Variants in ZNF678 observed in about 807,000 individuals in gnomAD.
The protein encoded by ZNF678 is zinc finger protein 678.
Under a neutral mutation model 3.0 loss-of-function variants are expected in ZNF678, and 5 were observed. The observed-to-expected ratio is 1.69, with a 90% CI of 0.88 to 3.56. The LOEUF is 3.56. ZNF678 is among the 30% of genes most tolerant of loss of function. The pLI is 0.00. For missense variants in ZNF678, 593 were observed against 605.0 expected (o/e 0.98, Z 0.21); for synonymous variants, 218 against 199.6 (o/e 1.09, Z -0.78).
chr1:227,668,391 T>TA (rs1171791497), intron 5 of ZNF678, among the ~76,000 whole-genome samples: 14 of 152,286 alleles, frequency 9.2e-5, no homozygotes, highest in South Asian at 6.2e-4. Context: ...GTATTGGAGC[T>TA]AAAAAAATCC....
chr1:227,644,250 T>C (rs1658900730), intron 1 of ZNF678, among the ~76,000 whole-genome samples: 2 of 152,216 alleles, frequency 1.3e-5, no homozygotes, highest in African/African-American at 4.8e-5. Context: ...CTGGCAATTA[T>C]GAGACACTTC....
chr1:227,644,919 A>T (rs1658917518), intron 1 of ZNF678, among the ~76,000 whole-genome samples: 1 of 152,190 alleles, frequency 6.6e-6, no homozygotes, highest in Non-Finnish European at 1.5e-5. Flanking sequence ...GAGGGCCCTT[A>T]GATACATTTG....
At chr1:227,585,348 C>T (rs1000581774) in intron 1 of ZNF678, among the ~76,000 whole-genome samples, 3 of 151,778 alleles carry the variant, frequency 2.0e-5, no homozygotes, top group African/African-American at 4.8e-5. Flanking sequence ...AAGTAGGAAA[C>T]GAATTAAAGT....
At chr1:227,583,368 T>C (rs1286074165) in intron 1 of ZNF678, among the ~76,000 whole-genome samples, 1 of 149,592 alleles carries the variant, frequency 6.7e-6, no homozygotes, top group Non-Finnish European at 1.5e-5. Flanking sequence ...TTTTTTTTTT[T>C]TGAGACAGAG....
intron 1 of ZNF678, among the ~76,000 whole-genome samples, chr1:227,573,484 T>G (rs1252729963): frequency 6.6e-6 from 1 of 152,234 alleles, no homozygotes; most frequent in Non-Finnish European, 1.5e-5. Context: ...AAAATATGAA[T>G]TTAAAAAATT....
At chr1:227,666,279 G>T (rs1226367932), downstream of ZNF678, among the ~76,000 whole-genome samples, 1 of 152,120 alleles carries the variant, frequency 6.6e-6, no homozygotes, top group Non-Finnish European at 1.5e-5. Flanking sequence ...AAAAAAGGGA[G>T]CCCAAACAGG....
At chr1:227,677,731 A>G (rs1237946664), downstream of ZNF678, among the ~76,000 whole-genome samples, 1 of 152,214 alleles carries the variant, frequency 6.6e-6, no homozygotes, top group East Asian at 1.9e-4. Context: ...CCTGAACCAA[A>G]TACAGTTTAC....
chr1:227,570,672 GT>G (rs36103120), intron 1 of ZNF678, among the ~76,000 whole-genome samples: 29,382 of 146,062 alleles, frequency 0.2, 2,945 homozygotes, highest in East Asian at 0.26. Flanking sequence ...TGGCTGACTA[GT>G]TTTTTTTTTT....
intron 1 of ZNF678, among the ~76,000 whole-genome samples, chr1:227,566,103 G>A (rs1346751622): frequency 1.3e-5 from 2 of 152,186 alleles, no homozygotes; most frequent in African/African-American, 4.8e-5. Context: ...AGAATTGTCT[G>A]GGAATGGCCC....
At chr1:227,668,214 A>T (rs1659541166) in intron 5 of ZNF678, among the ~76,000 whole-genome samples, 1 of 152,214 alleles carries the variant, frequency 6.6e-6, no homozygotes, top group South Asian at 2.1e-4. Flanking sequence ...AATTGTGAAT[A>T]TATCCATAGG....
chr1:227,655,478 T>A lies in ZNF678; in HGVS notation c.1228T>A (p.Cys410Ser). 1 of 1,612,582 alleles carries A rather than the reference T, an allele frequency of 6.2e-7. No individual in the cohort carries two copies. Among genetic ancestry groups the A allele is most frequent in the Non-Finnish European group, 8.5e-7 (1 of 1,179,310 alleles). The change falls in exon 4 of 4, where the codon TGT (cysteine) becomes AGT (serine). Residue 410 changes from cysteine (C) to serine (S), a missense_variant. Transcript: ENST00000343776. ...TGVKPYKCEE[C>S]GKVFKQCSHL... is the part of the protein sequence containing the mutation. ...AGTGAAACCCTACAAATGTGAAGAA[T>A]GTGGGAAAGTTTTTAAACAGTGCTC...
At chr1:227,570,620 C>T (rs1417989253) in intron 1 of ZNF678, among the ~76,000 whole-genome samples, 52 of 152,064 alleles carry the variant, frequency 3.4e-4, no homozygotes, top group Non-Finnish European at 5.9e-5. Flanking sequence ...TGTCATGAGC[C>T]ACTGTGCCTG....
intron 2 of ZNF678, among the ~76,000 whole-genome samples, chr1:227,648,158 T>C (rs1328189851): frequency 6.6e-6 from 1 of 152,172 alleles, no homozygotes; most frequent in Non-Finnish European, 1.5e-5. Flanking sequence ...ATTTAATATA[T>C]CTACTCCCTA....
At chr1:227,643,735 A>G (rs1247593966) in intron 1 of ZNF678, among the ~76,000 whole-genome samples, 1 of 152,148 alleles carries the variant, frequency 6.6e-6, no homozygotes, top group Non-Finnish European at 1.5e-5. Flanking sequence ...TTGCTCTCCA[A>G]GTTATAAAAC....
At chr1:227,664,176 A>T (rs1001749401), downstream of ZNF678, among the ~76,000 whole-genome samples, 15 of 152,026 alleles carry the variant, frequency 9.9e-5, no homozygotes, top group South Asian at 8.3e-4. Context: ...GACCCTATTT[A>T]AAAAAAATAA....
intron 1 of ZNF678, among the ~76,000 whole-genome samples, chr1:227,600,454 T>C (rs1351745657): frequency 3.3e-5 from 5 of 152,086 alleles, no homozygotes; most frequent in Admixed American, 3.3e-4. Flanking sequence ...TGTTTTGTTT[T>C]GTTATTTTCT....
At chr1:227,584,086 A>G (rs1657200562) in intron 1 of ZNF678, among the ~76,000 whole-genome samples, 1 of 152,230 alleles carries the variant, frequency 6.6e-6, no homozygotes, top group Non-Finnish European at 1.5e-5. Flanking sequence ...GCCAGTTCTG[A>G]AGACCTTTAA....
chr1:227,624,687 G>A (rs1172364227), intron 1 of ZNF678, among the ~76,000 whole-genome samples: 1 of 152,236 alleles, frequency 6.6e-6, no homozygotes, highest in African/African-American at 2.4e-5. Flanking sequence ...ATGGGTCACA[G>A]AAGAGAACTG....
At chr1:227,578,982 C>T (rs961581700) in intron 1 of ZNF678, among the ~76,000 whole-genome samples, 60 of 152,100 alleles carry the variant, frequency 3.9e-4, no homozygotes, top group African/African-American at 1.4e-3. Context: ...TGGATTCAGC[C>T]AACTGGTTTT....
Sources: allele counts gnomAD v4.1 joint callset (sites outside exome capture counted in the v4.1 genomes callset), GRCh38; gene constraint gnomAD v4.1.1; transcripts MANE v1.5; gene names NCBI Gene and HGNC (gene_info 2026-07-23, HGNC 2026-07-21).